Variants in JMY observed in about 807,000 individuals in gnomAD.
JMY encodes junction-mediating and -regulatory protein.
In JMY, 46 loss-of-function variants were observed where a neutral mutation model predicts 103.3. The observed-to-expected ratio is 0.45, with a 90% CI of 0.35 to 0.57. The LOEUF is 0.57. JMY is among the 20% of genes least tolerant of loss of function. JMY has a pLI of 0.00. For missense variants in JMY, 1,238 were observed against 1,255.2 expected, an observed-to-expected ratio of 0.99 and a Z score of 0.21; for synonymous variants, 526 against 489.3, an observed-to-expected ratio of 1.07 and a Z score of -0.99.
Position 79,314,343 on chromosome 5 carries a change from A to G in JMY, c.2151A>G (p.Gln717=), listed in dbSNP as rs1173525202. 2.5e-6 allele frequency: 4 copies of G among 1,614,084 alleles called. No homozygotes were observed. Among genetic ancestry groups the G allele is most frequent in the Non-Finnish European group, 3.4e-6 (4 of 1,180,038 alleles). ...RRKGAASPVL[Q]EDHCDSLPSV... ...AAGGTGCAGCAAGTCCTGTTCTCCAAGAGGATCATTGTGACTCTTTACCAA... is the reference window on the plus strand; with the variant it reads ...AAGGTGCAGCAAGTCCTGTTCTCCAGGAGGATCATTGTGACTCTTTACCAA... The change falls in exon 9 of 11, where the codon CAA becomes CAG. Residue 717 remains glutamine, a synonymous_variant. Transcript: ENST00000396137.
At chr5:79,284,049 T>C in intron 2 of JMY, 3 of 970,352 alleles carry the variant, frequency 3.1e-6, no homozygotes, top group Non-Finnish European at 4.4e-6. Context: ...TACAAATTAC[T>C]TTCTTTTTTT....
Position 79,236,798 on chromosome 5 carries a change from A to G in JMY, c.148A>G (p.Thr50Ala). The change falls in exon 1 of 11, where the codon ACG becomes GCG. Residue 50 changes from threonine to alanine, a missense_variant. Physicochemically the swap from Thr to Ala is moderately conservative, Grantham distance 58. Transcript: ENST00000396137. ...GKFAITCHNR[T>A]AQRQRSGSRE... ...GTTTGCCATAACCTGCCACAACCGG[A>G]CGGCCCAGAGGCAGAGGAGCGGCTC... is the stretch of plus-strand genomic sequence containing the variant. 5 of 1,509,466 alleles carry G rather than the reference A, an allele frequency of 3.3e-6. No homozygotes were observed. Among genetic ancestry groups the G allele is most frequent in the Non-Finnish European group, 4.4e-6 (5 of 1,127,290 alleles). The allele number at this position is 1,509,466 out of a possible 1,614,324, so 93.5% of individuals were successfully genotyped here. A position where few individuals can be genotyped will look rare whatever the true frequency, so the allele number is the denominator to read the frequency against.
intron 1 of JMY, among the ~76,000 whole-genome samples, chr5:79,275,816 T>C (rs955969553): frequency 1.2e-4 from 18 of 152,358 alleles, no homozygotes; most frequent in Middle Eastern, 3.4e-3. Flanking sequence ...AAAAGCACTT[T>C]AATGTAGATT....
At chr5:79,283,472 T>C (rs1267727967) in intron 2 of JMY, among the ~76,000 whole-genome samples, 2 of 152,218 alleles carry the variant, frequency 1.3e-5, no homozygotes, top group Non-Finnish European at 2.9e-5. Flanking sequence ...ATATTTGTTT[T>C]TACATTTAAT....
chr5:79,254,753 T>C (rs1283595605), intron 1 of JMY, among the ~76,000 whole-genome samples: 1 of 152,114 alleles, frequency 6.6e-6, no homozygotes, highest in Non-Finnish European at 1.5e-5. Flanking sequence ...TCTCTCTACC[T>C]CCTCATTAAG....
At chr5:79,283,621 G>T (rs1047577029) in intron 2 of JMY, among the ~76,000 whole-genome samples, 1 of 152,128 alleles carries the variant, frequency 6.6e-6, no homozygotes, top group Non-Finnish European at 1.5e-5. Context: ...ACTACATTGG[G>T]TCTCAAAAAT....
At chr5:79,311,528 T>C (rs1461648872) in intron 7 of JMY, among the ~76,000 whole-genome samples, 1 of 152,264 alleles carries the variant, frequency 6.6e-6, no homozygotes, top group East Asian at 1.9e-4. Context: ...TTTGAAATTA[T>C]CTGGTCTGGT....
chr5:79,321,525 C>T (rs1747449133), intron 10 of JMY, 81 bp from the exon 11 acceptor site: 1 of 151,628 alleles, frequency 6.6e-6, no homozygotes, highest in Admixed American at 6.6e-5. Flanking sequence ...GTCTTTTTTA[C>T]ACTTTTTGAG....
chr5:79,281,465 G>C (rs1746112774), intron 2 of JMY, among the ~76,000 whole-genome samples: 1 of 149,730 alleles, frequency 6.7e-6, no homozygotes, highest in Admixed American at 6.7e-5. Context: ...ATGTCACTAG[G>C]CCAATCAAAC....
chr5:79,300,166 G>A lies in JMY; in HGVS notation c.1541G>A (p.Arg514Gln), dbSNP rs771868277. 2.7e-5 allele frequency: 44 copies of A among 1,612,468 alleles called. No homozygotes were observed. Among genetic ancestry groups the A allele is most frequent in the African/African-American group, 5.3e-5 (4 of 74,804 alleles). ...TTTTCAATGCAGATGCAGAGTTTGC[G>A]GGGTGGTACAGAAGCGATAGCACGA... The part of the protein sequence containing the change: ...HALKEEMQSL[R>Q]GGTEAIARLD... Residue 514 changes from arginine to glutamine, a missense_variant, in exon 5 of 11, where the codon CGG becomes CAG. By Grantham distance (43) the Arg-to-Gln change is conservative. Transcript: ENST00000396137.
chr5:79,319,343 T>G (rs1747361684), intron 10 of JMY, among the ~76,000 whole-genome samples: 1 of 152,160 alleles, frequency 6.6e-6, no homozygotes, highest in South Asian at 2.1e-4. Context: ...AGTGAAACAC[T>G]TAGAAAATAT....
At chr5:79,243,109 G>A (rs1055566109) in intron 1 of JMY, among the ~76,000 whole-genome samples, 6 of 151,928 alleles carry the variant, frequency 3.9e-5, no homozygotes, top group African/African-American at 1.5e-4. Context: ...TGTTTGTTTT[G>A]TTTTTGTATC....
At chr5:79,308,996 G>T (rs1328024164) in intron 7 of JMY, among the ~76,000 whole-genome samples, 2 of 152,042 alleles carry the variant, frequency 1.3e-5, no homozygotes, top group African/African-American at 4.8e-5. Context: ...GAAAACTCCA[G>T]TTGTTCATTG....
rs2112106844 is a variant in JMY at position 79,300,167 on chromosome 5, G to C, written c.1542G>C (p.Arg514=). 1 of 1,612,990 alleles carries C rather than the reference G, an allele frequency of 6.2e-7. No individual in the cohort carries two copies. The highest frequency in any genetic ancestry group is 1.1e-5 in the South Asian group (1 of 90,942). Residue 514 remains arginine (R), a synonymous_variant, in exon 5 of 11, where the codon CGG becomes CGC. Transcript: ENST00000396137. Reference sequence around the variant, plus strand: ...TTTCAATGCAGATGCAGAGTTTGCGGGGTGGTACAGAAGCGATAGCACGAT... The same window carrying C: ...TTTCAATGCAGATGCAGAGTTTGCGCGGTGGTACAGAAGCGATAGCACGAT... The part of the protein sequence containing the change: ...HALKEEMQSL[R]GGTEAIARLD...
At chr5:79,317,433 T>G (rs529135541) in intron 10 of JMY, among the ~76,000 whole-genome samples, 2 of 152,290 alleles carry the variant, frequency 1.3e-5, no homozygotes, top group African/African-American at 4.8e-5. Context: ...TGGCACAGAT[T>G]ACACCAAATA....
chr5:79,300,958 CTAAG>C (rs1194476529), intron 6 of JMY, 95 bp downstream of exon 6: 15 of 1,036,172 alleles, frequency 1.4e-5, no homozygotes, highest in Admixed American at 5.8e-5. Flanking sequence ...TGTTTTAAAA[CTAAG>C]TAAGCACTAT....
At position 79,324,064 on chromosome 5, in the gene JMY, G is replaced by T. The variant is rs994898229; in HGVS notation, c.*2462G>T. ...TACTTCTACAAAATTTCAAATGATT[G>T]CAGGTCAAAAACCTTTGGAGTTACT... On this transcript the variant is annotated 3_prime_UTR_variant, in exon 11 of 11. Transcript: ENST00000396137. 2.6e-5 allele frequency: 4 copies of T among 152,122 alleles called. No homozygotes were observed. Among genetic ancestry groups the T allele is most frequent in the African/African-American group, 9.7e-5 (4 of 41,398 alleles). 9.4% of individuals were successfully genotyped at this position (152,122 alleles called of 1,614,324 possible). A position where few individuals can be genotyped will look rare whatever the true frequency, so the allele number is the denominator to read the frequency against.
At chr5:79,298,987 G>A (rs1481610512) in intron 4 of JMY, among the ~76,000 whole-genome samples, 2 of 80,016 alleles carry the variant, frequency 2.5e-5, no homozygotes, top group East Asian at 6.4e-4. Context: ...CCTGTAGGTT[G>A]TCCCTGTACA....
intron 1 of JMY, among the ~76,000 whole-genome samples, chr5:79,255,394 GCCA>G (rs1745211461): frequency 6.6e-6 from 1 of 152,090 alleles, no homozygotes; most frequent in Non-Finnish European, 1.5e-5. Context: ...ACTGCACCTG[GCCA>G]CATATCTCTG....
Sources: allele counts gnomAD v4.1 joint callset (sites outside exome capture counted in the v4.1 genomes callset), GRCh38; gene constraint gnomAD v4.1.1; transcripts MANE v1.5; gene names NCBI Gene and HGNC (gene_info 2026-07-23, HGNC 2026-07-21).